The following PLEKHA7 variants were observed in gnomAD, a reference collection of about 807,000 sequenced individuals.
PLEKHA7 encodes the protein pleckstrin homology domain containing A7, also known as pleckstrin homology domain-containing family A member 7.
A neutral mutation model predicts 170.0 loss-of-function variants in PLEKHA7; 104 were observed. The ratio of observed to expected loss-of-function variants is 0.61; its 90% CI spans 0.52 to 0.72. The LOEUF is 0.72. PLEKHA7 is among the 30% of genes least tolerant of loss of function. The pLI is 0.00. For missense variants in PLEKHA7, 1,615 were observed against 1,671.7 expected, an observed-to-expected ratio of 0.97 and a Z score of 0.59; for synonymous variants, 648 against 660.8, an observed-to-expected ratio of 0.98 and a Z score of 0.30.
chr11:17,014,114 C>T lies in PLEKHA7; in HGVS notation c.163+11G>A, dbSNP rs1269502142. On this transcript the variant is annotated intron_variant, in intron 2 of 26. Coordinates refer to ENST00000531066, the MANE Select transcript of PLEKHA7 (RefSeq NM_001329630.2). Reference sequence around the variant, plus strand: ...CTGCGCGCGCCCCCCACCCGCCGGCCCGGCGCCCACCTGAGCGGATCATGT... The same window carrying T: ...CTGCGCGCGCCCCCCACCCGCCGGCTCGGCGCCCACCTGAGCGGATCATGT... 6.3e-7 allele frequency: 1 copy of T among 1,597,792 alleles called. No individual in the cohort carries two copies. The highest frequency in any genetic ancestry group is 8.5e-7 in the Non-Finnish European group (1 of 1,173,526).
rs749209716 is a variant in PLEKHA7 at position 16,800,978 on chromosome 11, A to G, written c.2405T>C (p.Phe802Ser). The G allele has an allele frequency of 8.7e-6, 14 of 1,608,990 alleles. No individual in the cohort carries two copies. Among genetic ancestry groups the G allele is most frequent in the South Asian group, 1.1e-5 (1 of 90,942 alleles). ...LQEQHRRAFF[F>S]QEKSQIQKDL... is the part of the protein sequence containing the mutation. Reference sequence around the variant, plus strand: ...GATGGACAGGTATCAGGTCACCTGGAAAAAAAAGGCTCTTCTGTGTTGCTC... The same window carrying G: ...GATGGACAGGTATCAGGTCACCTGGGAAAAAAAGGCTCTTCTGTGTTGCTC... The change falls in exon 17 of 27, where the codon TTC becomes TCC. Residue 802 changes from phenylalanine to serine, a missense_variant. Physicochemically the swap from Phe to Ser is radical, Grantham distance 155 (BLOSUM62 -2). Transcript: ENST00000531066.
intron 26 of PLEKHA7, among the ~76,000 whole-genome samples, chr11:16,779,830 C>T (rs577762131): frequency 1.3e-5 from 2 of 152,348 alleles, no homozygotes; most frequent in African/African-American, 4.8e-5. Flanking sequence ...CTGCTCGGGG[C>T]GGCCCAGATG....
chr11:16,929,319 A>T (rs1258525249), intron 3 of PLEKHA7, among the ~76,000 whole-genome samples: 1 of 152,220 alleles, frequency 6.6e-6, no homozygotes, highest in Non-Finnish European at 1.5e-5. Flanking sequence ...TAATGCTCAG[A>T]AGCTTAAACT....
chr11:16,910,680 T>A (rs1266337103), intron 3 of PLEKHA7, among the ~76,000 whole-genome samples: 1 of 152,132 alleles, frequency 6.6e-6, no homozygotes, highest in Non-Finnish European at 1.5e-5. Context: ...ACTACTGGCA[T>A]CCAGGGGGTA....
chr11:16,948,252 T>C (rs1286605492), intron 3 of PLEKHA7, among the ~76,000 whole-genome samples: 1 of 152,196 alleles, frequency 6.6e-6, no homozygotes, highest in Non-Finnish European at 1.5e-5. Context: ...AAGAGATCTA[T>C]TGTACCTCAT....
At chr11:16,958,242 G>A (rs773753696) in intron 3 of PLEKHA7, among the ~76,000 whole-genome samples, 11 of 152,026 alleles carry the variant, frequency 7.2e-5, no homozygotes, top group African/African-American at 1.2e-4. Flanking sequence ...AATTGAGCCC[G>A]GAATGCTAAA....
intron 3 of PLEKHA7, among the ~76,000 whole-genome samples, chr11:16,907,087 G>A (rs1340709392): frequency 6.8e-3 from 870 of 127,614 alleles, no homozygotes; most frequent in African/African-American, 0.032. Context: ...GTCTCCGCCC[G>A]GCAGCCACCC....
chr11:16,891,055 T>C (rs1353553267), intron 3 of PLEKHA7, among the ~76,000 whole-genome samples: 1 of 144,104 alleles, frequency 6.9e-6, no homozygotes, highest in African/African-American at 2.5e-5. Context: ...AGTGCCACCA[T>C]GCTAGACTAT....
intron 10 of PLEKHA7, among the ~76,000 whole-genome samples, chr11:16,824,593 T>C (rs1472433915): frequency 6.6e-6 from 1 of 152,198 alleles, no homozygotes; most frequent in East Asian, 1.9e-4. Context: ...CACTTACGAG[T>C]GTCGCTGTTT....
intron 3 of PLEKHA7, among the ~76,000 whole-genome samples, chr11:16,986,844 T>C (rs976333126): frequency 2.6e-5 from 4 of 152,158 alleles, no homozygotes; most frequent in Non-Finnish European, 4.4e-5. Context: ...GCACCTACTA[T>C]ATGATCTTCC....
Position 16,841,537 on chromosome 11 carries a change from C to T in PLEKHA7, c.872+10G>A, listed in dbSNP as rs1263591034. 1 of 1,607,536 alleles carries T rather than the reference C, an allele frequency of 6.2e-7. No homozygotes were observed. The highest frequency in any genetic ancestry group is 8.5e-7 in the Non-Finnish European group (1 of 1,176,484). ...AGGTGCTGTGGCAGGGACCCTCCAT[C>T]AGAACTAACCTCTTCAGTGACGATC... is the stretch of plus-strand genomic sequence containing the variant. On this transcript the variant is annotated intron_variant, in intron 9 of 26. Coordinates refer to ENST00000531066, the MANE Select transcript of PLEKHA7 (RefSeq NM_001329630.2).
chr11:16,824,182 A>G (rs536363279), intron 10 of PLEKHA7, among the ~76,000 whole-genome samples: 1 of 152,308 alleles, frequency 6.6e-6, no homozygotes, highest in East Asian at 1.9e-4. Flanking sequence ...AATAAGAGCT[A>G]GTATTTGATA....
At chr11:16,808,505 A>C (rs910488114) in intron 13 of PLEKHA7, among the ~76,000 whole-genome samples, 2 of 152,146 alleles carry the variant, frequency 1.3e-5, no homozygotes, top group Non-Finnish European at 2.9e-5. Context: ...CAACTTTAAA[A>C]ACTGTCCCAG....
At chr11:16,998,469 G>A (rs4757477) in intron 3 of PLEKHA7, among the ~76,000 whole-genome samples, 150,645 of 152,306 alleles carry the variant, frequency 0.99, 74,524 homozygotes, top group East Asian at 1. Context: ...GGCTTTTGGA[G>A]TAAAGAGTGT....
At chr11:16,792,338 CTAATT>C (rs1334207265) in intron 19 of PLEKHA7, among the ~76,000 whole-genome samples, 2 of 151,956 alleles carry the variant, frequency 1.3e-5, no homozygotes, top group African/African-American at 2.4e-5. Flanking sequence ...AGAATATTAT[CTAATT>C]TATTTTTAAA....
chr11:16,896,516 C>T (rs1345161588), intron 3 of PLEKHA7, among the ~76,000 whole-genome samples: 2 of 152,156 alleles, frequency 1.3e-5, no homozygotes, highest in African/African-American at 2.4e-5. Context: ...CTTCCTATAT[C>T]CCCAACCTGG....
intron 3 of PLEKHA7, among the ~76,000 whole-genome samples, chr11:16,922,702 G>A (rs1241441356): frequency 6.6e-6 from 1 of 152,132 alleles, no homozygotes; most frequent in Non-Finnish European, 1.5e-5. Flanking sequence ...TTAGCCTAGG[G>A]AGCTTCTCCT....
At chr11:16,912,867 G>C (rs978303336) in intron 3 of PLEKHA7, among the ~76,000 whole-genome samples, 2 of 152,180 alleles carry the variant, frequency 1.3e-5, no homozygotes, top group Non-Finnish European at 1.5e-5. Context: ...CACCCTGCTG[G>C]CCAATTGCCA....
At chr11:17,005,413 T>C (rs1284462375) in intron 3 of PLEKHA7, among the ~76,000 whole-genome samples, 2 of 152,148 alleles carry the variant, frequency 1.3e-5, no homozygotes, top group African/African-American at 4.8e-5. Context: ...GTGTCTGTAA[T>C]CCCAGCTACC....
Sources: gnomAD v4.1 joint callset for allele counts (sites outside exome capture counted in the v4.1 genomes callset) on GRCh38, gnomAD v4.1.1 for gene constraint, MANE v1.5 for transcripts, NCBI Gene and HGNC (gene_info 2026-07-23, HGNC 2026-07-21) for gene names.